The following ZNF469 variants were observed in gnomAD, a reference collection of about 807,000 sequenced individuals.
ZNF469 encodes zinc finger protein 469.
ZNF469 carries 1 observed loss-of-function variant against 1.0 expected under a neutral mutation model. The observed-to-expected ratio is 1.00, with a 90% confidence interval of 0.35 to 4.73. ZNF469 has a LOEUF of 4.73. Among genes scored for constraint, ZNF469 ranks in the 30% most tolerant of loss-of-function variants. The probability of loss-of-function intolerance (pLI) is 0.16; values close to 1 mark genes in which losing one functional copy is unlikely to be tolerated. For synonymous variants in ZNF469, 2,703 were observed against 2,363.4 expected, an observed-to-expected ratio of 1.14 and a Z score of -4.17; for missense variants, 6,100 against 5,356.3, an observed-to-expected ratio of 1.14 and a Z score of -4.33.
the ZNF469 span, among the ~76,000 whole-genome samples, chr16:88,350,370 C>T: frequency 6.6e-6 from 1 of 152,266 alleles, no homozygotes; most frequent in East Asian, 1.9e-4. Flanking sequence ...CGGCACAAGG[C>T]CATGGGCACC....
At chr16:88,172,936 AAAAAAC>A in the ZNF469 span, among the ~76,000 whole-genome samples, 1 of 152,228 alleles carries the variant, frequency 6.6e-6, no homozygotes, top group African/African-American at 2.4e-5. Context: ...AAAAAGTCTT[AAAAAAC>A]AAAAACAAAA....
At chr16:88,260,665 C>T in the ZNF469 span, among the ~76,000 whole-genome samples, 4 of 152,244 alleles carry the variant, frequency 2.6e-5, no homozygotes, top group Admixed American at 1.3e-4. The surrounding 1 kb of genome is among the most constrained non-coding windows in gnomAD (Gnocchi z 4.1). Context: ...AGCTAAATGC[C>T]GTCATTTCTT....
chr16:88,209,125 G>A, the ZNF469 span, among the ~76,000 whole-genome samples: 1 of 151,792 alleles, frequency 6.6e-6, no homozygotes. Context: ...TTTCAAGTAT[G>A]TAAACTTAAC....
chr16:88,150,804 C>G, the ZNF469 span, among the ~76,000 whole-genome samples: 1 of 151,988 alleles, frequency 6.6e-6, no homozygotes, highest in African/African-American at 2.4e-5. Flanking sequence ...TAAGGAAGAA[C>G]ATGAAACTGG....
At chr16:88,407,834 C>G (rs754080155) in intron 1 of ZNF469, among the ~76,000 whole-genome samples, 4 of 152,258 alleles carry the variant, frequency 2.6e-5, no homozygotes, top group Admixed American at 6.5e-5. Context: ...GGTGCCCACT[C>G]TGTCTCTGAG....
At chr16:88,339,165 G>A in the ZNF469 span, among the ~76,000 whole-genome samples, 2 of 145,650 alleles carry the variant, frequency 1.4e-5, no homozygotes, top group Non-Finnish European at 3.0e-5. Flanking sequence ...CAGGGTGGCG[G>A]GGGACATGGG....
the ZNF469 span, among the ~76,000 whole-genome samples, chr16:88,285,924 G>C: frequency 6.6e-6 from 1 of 152,240 alleles, no homozygotes. Context: ...CCCTCCATGA[G>C]ACTCCTGCTG....
chr16:88,353,380 A>T, the ZNF469 span, among the ~76,000 whole-genome samples: 1 of 152,076 alleles, frequency 6.6e-6, no homozygotes, highest in African/African-American at 2.4e-5. Context: ...TCCCATGCCA[A>T]TGACAAGAGG....
the ZNF469 span, among the ~76,000 whole-genome samples, chr16:88,310,622 G>T: frequency 6.7e-6 from 1 of 149,826 alleles, no homozygotes; most frequent in African/African-American, 2.5e-5. Flanking sequence ...TCGCTCTGTT[G>T]CCCAGGCTGG....
At chr16:88,256,764 C>G in the ZNF469 span, among the ~76,000 whole-genome samples, 36 of 151,966 alleles carry the variant, frequency 2.4e-4, no homozygotes, top group Admixed American at 1.6e-3. Flanking sequence ...AGGTGAGAGG[C>G]GATATCTTAT....
chr16:88,336,757 C>T, the ZNF469 span, among the ~76,000 whole-genome samples: 5 of 152,242 alleles, frequency 3.3e-5, no homozygotes, highest in East Asian at 3.8e-4. Context: ...ATGTGCGATT[C>T]GGTGGCTTTT....
intron 1 of ZNF469, among the ~76,000 whole-genome samples, chr16:88,406,399 C>A (rs1481031698): frequency 6.6e-6 from 1 of 152,258 alleles, no homozygotes; most frequent in Non-Finnish European, 1.5e-5. Flanking sequence ...GTGCCCCCCA[C>A]GCTGGGAAGC....
the ZNF469 span, among the ~76,000 whole-genome samples, chr16:88,334,819 G>A: frequency 6.6e-6 from 1 of 151,790 alleles, no homozygotes; most frequent in Non-Finnish European, 1.5e-5. Context: ...AGGGAGCCGT[G>A]TGGGAAGATG....
rs1383506600 is a variant in ZNF469 at position 88,440,639 on chromosome 16, C to T, written c.*1307C>T. The T allele has an allele frequency of 6.6e-6, 1 of 152,160 alleles. No individual in the cohort carries two copies. Among genetic ancestry groups the T allele is most frequent in the Non-Finnish European group, 1.5e-5 (1 of 68,016 alleles). The allele number at this position is 152,160 out of a possible 1,614,324, so 9.4% of individuals were successfully genotyped here. On this transcript the variant is annotated 3_prime_UTR_variant, in exon 3 of 3. Transcript: ENST00000565624. The stretch of plus-strand genomic sequence containing the variant: ...CGCCTCTCTGGAAGGTGTTGTAGGC[C>T]ATTCAAAACGCCTCCGGAGTGTCGC...
the ZNF469 span, among the ~76,000 whole-genome samples, chr16:88,315,583 C>G: frequency 6.6e-6 from 1 of 152,156 alleles, no homozygotes; most frequent in Non-Finnish European, 1.5e-5. Flanking sequence ...GAGCAGGGCC[C>G]AGGAGCTCTC....
At chr16:88,128,217 G>A in the ZNF469 span, among the ~76,000 whole-genome samples, 1 of 152,126 alleles carries the variant, frequency 6.6e-6, no homozygotes, top group South Asian at 2.1e-4. Context: ...CAAGGGTTGA[G>A]CCCCTGAGGG....
chr16:88,126,424 C>G, the ZNF469 span, among the ~76,000 whole-genome samples: 1 of 151,178 alleles, frequency 6.6e-6, no homozygotes, highest in African/African-American at 2.4e-5. Flanking sequence ...TAGCTCTAGA[C>G]TTTACAGAGA....
At chr16:88,241,638 G>A in the ZNF469 span, among the ~76,000 whole-genome samples, 2 of 152,152 alleles carry the variant, frequency 1.3e-5, no homozygotes, top group African/African-American at 2.4e-5. The surrounding 1 kb of genome is among the most constrained non-coding windows in gnomAD (Gnocchi z 4.8). Context: ...GTTGACATCC[G>A]GTCCCCACCC....
the ZNF469 span, among the ~76,000 whole-genome samples, chr16:88,268,557 G>A: frequency 6.6e-6 from 1 of 152,190 alleles, no homozygotes; most frequent in South Asian, 2.1e-4. Flanking sequence ...TTTTTCTCCT[G>A]GGTAGAGTGA....
Sources: allele counts gnomAD v4.1 joint callset (sites outside exome capture counted in the v4.1 genomes callset), GRCh38; gene constraint gnomAD v4.1.1; non-coding constraint Gnocchi (gnomAD v3.1); transcripts MANE v1.5; gene names NCBI Gene and HGNC (gene_info 2026-07-23, HGNC 2026-07-21).